MED4: variants seen among roughly 807,000 people sequenced by gnomAD.
MED4 encodes mediator of RNA polymerase II transcription subunit 4.
In MED4, 21 loss-of-function variants were observed where a neutral mutation model predicts 35.0. That is an observed-to-expected ratio of 0.60 (90% CI 0.43 to 0.86). The LOEUF is 0.86. Among genes scored for constraint, MED4 ranks in the 40% least tolerant of loss-of-function variants. The pLI, the probability that MED4 is intolerant of heterozygous loss-of-function variation, is 0.00. For synonymous variants in MED4, 138 were observed against 114.0 expected, an observed-to-expected ratio of 1.21 and a Z score of -1.34; for missense variants, 300 against 319.4, an observed-to-expected ratio of 0.94 and a Z score of 0.46.
At chr13:48,093,541 T>TA (rs1950904197) in intron 1 of MED4, 2 of 463,662 alleles carry the variant, frequency 4.3e-6, no homozygotes, top group Non-Finnish European at 8.9e-6. Flanking sequence ...TCAGTACACA[T>TA]AACTACCTCT....
chr13:48,081,729 C>G lies in MED4; in HGVS notation c.424G>C (p.Ala142Pro). The G allele has an allele frequency of 6.9e-6, 11 of 1,605,838 alleles. No homozygotes were observed. The highest frequency in any genetic ancestry group is 9.4e-6 in the Non-Finnish European group (11 of 1,175,572). The change falls in exon 5 of 7, where the codon GCT becomes CCT. Residue 142 changes from alanine to proline, a missense_variant and splice_region_variant. Transcript: ENST00000258648. ...LKSIEKARKG[A>P]ISSEEIIKYA... is the part of the protein sequence containing the mutation. ...TTAATTATTTCTTCAGAGGAGATAG[C>G]ACCTGAAAGAGTTTTAAGAGGACAG...
At chr13:48,082,940 A>G (rs1024414476) in intron 4 of MED4, among the ~76,000 whole-genome samples, 1 of 152,226 alleles carries the variant, frequency 6.6e-6, no homozygotes, top group Admixed American at 6.5e-5. Context: ...TGCCAAGGGT[A>G]TAACTGGCTC....
intron 2 of MED4, among the ~76,000 whole-genome samples, chr13:48,088,386 T>A (rs1393612616): frequency 6.6e-6 from 1 of 152,226 alleles, no homozygotes; most frequent in African/African-American, 2.4e-5. Context: ...GACAAAAGAC[T>A]GAGCTACAAA....
At chr13:48,086,182 A>C (rs1950847237) in intron 3 of MED4, 100 bp downstream of exon 3, 15 of 1,096,616 alleles carry the variant, frequency 1.4e-5, no homozygotes, top group Middle Eastern at 3.0e-4. Context: ...AGACTTGGAA[A>C]GTCTAGTTTT....
chr13:48,090,101 T>C (rs548694756), intron 2 of MED4, among the ~76,000 whole-genome samples: 1 of 152,194 alleles, frequency 6.6e-6, no homozygotes, highest in Non-Finnish European at 1.5e-5. Flanking sequence ...TAAGTGTGAC[T>C]AGAATTGTAA....
chr13:48,092,820 C>G (rs1950899599), intron 1 of MED4, among the ~76,000 whole-genome samples: 2 of 152,170 alleles, frequency 1.3e-5, no homozygotes, highest in Non-Finnish European at 2.9e-5. Flanking sequence ...GTGGTGCTGA[C>G]TAGAGTGGGG....
chr13:48,083,303 TC>T, intron 4 of MED4, 67 bp downstream of exon 4: 2 of 1,228,016 alleles, frequency 1.6e-6, no homozygotes, highest in Non-Finnish European at 2.3e-6. Context: ...AGTAATATCC[TC>T]TTGTATTGGT....
rs1186542916 is a variant in MED4 at position 48,076,130 on chromosome 13, TTTTA to T, written c.*1005_*1008del. On this transcript the variant is annotated 3_prime_UTR_variant, in exon 7 of 7. Coordinates refer to ENST00000258648, the MANE Select transcript of MED4 (RefSeq NM_014166.4). Reference sequence around the variant, plus strand: ...TTATCTCTGGGTAGAATGCTAACAATTTTATTTTCTCCTTTACTGTATTCACTAA... The same window carrying T: ...TTATCTCTGGGTAGAATGCTAACAATTTTTCTCCTTTACTGTATTCACTAA... 6.6e-6 allele frequency: 1 copy of T among 152,248 alleles called. No individual in the cohort carries two copies. Among genetic ancestry groups the T allele is most frequent in the Non-Finnish European group, 1.5e-5 (1 of 68,032 alleles). 9.4% of individuals were successfully genotyped at this position (152,248 alleles called of 1,614,324 possible). A position where few individuals can be genotyped will look rare whatever the true frequency, so the allele number is the denominator to read the frequency against.
chr13:48,094,291 G>A (rs1184662523), intron 1 of MED4, among the ~76,000 whole-genome samples: 1 of 152,178 alleles, frequency 6.6e-6, no homozygotes, highest in Non-Finnish European at 1.5e-5. Flanking sequence ...AAGTCAATGG[G>A]AGGGAGTCAA....
intron 2 of MED4, among the ~76,000 whole-genome samples, chr13:48,089,643 T>C (rs1950876737): frequency 6.6e-6 from 1 of 152,084 alleles, no homozygotes; most frequent in South Asian, 2.1e-4. Context: ...TCCCAGATAC[T>C]GGTGAGGATA....
At chr13:48,086,509 A>C in intron 2 of MED4, 57 bp from the exon 3 acceptor site, 2 of 1,497,306 alleles carry the variant, frequency 1.3e-6, no homozygotes, top group Non-Finnish European at 1.8e-6. Flanking sequence ...CTGCATTCCA[A>C]TGAAACAAAG....
At chr13:48,079,397 A>G (rs1273602364) in intron 6 of MED4, among the ~76,000 whole-genome samples, 2 of 152,316 alleles carry the variant, frequency 1.3e-5, no homozygotes, top group African/African-American at 4.8e-5. Flanking sequence ...TCCCTCAAGG[A>G]GAATCTTTAG....
chr13:48,091,180 A>T (rs1246362816), intron 1 of MED4, among the ~76,000 whole-genome samples: 1 of 152,228 alleles, frequency 6.6e-6, no homozygotes, highest in East Asian at 1.9e-4. Flanking sequence ...TGAATTTTTT[A>T]AATTAAACAT....
chr13:48,078,072 A>G (rs527508001), intron 6 of MED4, among the ~76,000 whole-genome samples: 20 of 152,210 alleles, frequency 1.3e-4, no homozygotes, highest in Non-Finnish European at 2.6e-4. Context: ...GTTGATTAGC[A>G]ATGTATGCAT....
chr13:48,081,997 C>T (rs60828855), intron 4 of MED4, among the ~76,000 whole-genome samples: 5,950 of 152,124 alleles, frequency 0.039, 256 homozygotes, highest in East Asian at 0.096. Context: ...TATTAACTAC[C>T]GTTAAATACC....
chr13:48,082,186 T>TTA (rs1555265281), intron 4 of MED4, among the ~76,000 whole-genome samples: 8 of 127,258 alleles, frequency 6.3e-5, no homozygotes, highest in Admixed American at 3.5e-4. Flanking sequence ...ATTCATTAGG[T>TTA]AAAAAAAAAA....
At chr13:48,089,782 T>C (rs1453453049) in intron 2 of MED4, among the ~76,000 whole-genome samples, 1 of 152,018 alleles carries the variant, frequency 6.6e-6, no homozygotes, top group Non-Finnish European at 1.5e-5. Context: ...AAACATAATA[T>C]AAAATTTATC....
intron 4 of MED4, among the ~76,000 whole-genome samples, chr13:48,082,193 A>G (rs1042082278): frequency 3.7e-4 from 56 of 152,360 alleles, no homozygotes; most frequent in African/African-American, 1.3e-3. Flanking sequence ...AGGTAAAAAA[A>G]AAAACTAAAC....
chr13:48,087,852 G>GAA (rs560773734), intron 2 of MED4, among the ~76,000 whole-genome samples: 6 of 137,148 alleles, frequency 4.4e-5, no homozygotes. Context: ...TTCGTCTCAG[G>GAA]AAAAAAAAAA....
Sources: gnomAD v4.1 joint callset for allele counts (sites outside exome capture counted in the v4.1 genomes callset) on GRCh38, gnomAD v4.1.1 for gene constraint, MANE v1.5 for transcripts, NCBI Gene and HGNC (gene_info 2026-07-23, HGNC 2026-07-21) for gene names.